The following NUMB variants were observed in gnomAD, a reference collection of about 807,000 sequenced individuals.
NUMB encodes the protein protein numb homolog.
A neutral mutation model predicts 59.7 loss-of-function variants in NUMB; 29 were observed. The ratio of observed to expected loss-of-function variants is 0.49; its 90% CI spans 0.36 to 0.66. The LOEUF is 0.66. Ranked by LOEUF, NUMB falls within the 30% of genes least tolerant of loss-of-function variation. The pLI, the probability that NUMB is intolerant of heterozygous loss-of-function variation, is 0.00. For synonymous variants in NUMB, 288 were observed against 288.2 expected (o/e 1.00, Z 0.01); for missense variants, 723 against 822.0 (o/e 0.88, Z 1.47).
intron 11 of NUMB, among the ~76,000 whole-genome samples, chr14:73,281,008 C>T (rs1391015713): frequency 6.6e-6 from 1 of 151,932 alleles, no homozygotes; most frequent in African/African-American, 2.4e-5. Flanking sequence ...TACTGTTTAC[C>T]TAGAGTTTGT....
chr14:73,278,065 A>AC (rs1888320174), intron 12 of NUMB, among the ~76,000 whole-genome samples: 1 of 151,318 alleles, frequency 6.6e-6, no homozygotes, highest in Admixed American at 6.6e-5. Flanking sequence ...AAAAAAAAAA[A>AC]AAACACCTAG....
At chr14:73,354,106 G>A (rs2078710590) in intron 4 of NUMB, among the ~76,000 whole-genome samples, 1 of 152,058 alleles carries the variant, frequency 6.6e-6, no homozygotes, top group South Asian at 2.1e-4. Flanking sequence ...CACTTTTCCT[G>A]TCATATGGAA....
At chr14:73,385,420 G>T (rs1295003242) in intron 2 of NUMB, among the ~76,000 whole-genome samples, 2 of 148,844 alleles carry the variant, frequency 1.3e-5, no homozygotes, top group Non-Finnish European at 3.0e-5. Context: ...AGAATTATAG[G>T]TGTGAGCCAC....
rs10582204 is a variant in NUMB at position 73,313,668 on chromosome 14, G to GAAAAAAAAAAAAAAAAAAAAA, written c.234+2721_234+2722insTTTTTTTTTTTTTTTTTTTTT. ...TATATATGCAAATATTCCAAAATCTGAAAAAAAAAAAAAAAAATCCAAAAT... is the reference window on the plus strand; with the variant it reads ...TATATATGCAAATATTCCAAAATCTGAAAAAAAAAAAAAAAAAAAAAAAAAAAAAAAAAAAAAATCCAAAAT... On this transcript the variant is annotated intron_variant, in intron 6 of 12. Coordinates refer to ENST00000555238, the MANE Select transcript of NUMB (RefSeq NM_001005743.2). 4.0e-5 allele frequency among the ~76,000 whole-genome samples: 5 copies of GAAAAAAAAAAAAAAAAAAAAA among 124,104 alleles called. 1 individual carries two copies. Among genetic ancestry groups the GAAAAAAAAAAAAAAAAAAAAA allele is most frequent in the African/African-American group, 1.6e-4 (5 of 30,962 alleles). The allele number at this position is 124,104 out of a possible 152,430, so 81.4% of individuals were successfully genotyped here.
At position 73,423,801 on chromosome 14, in the gene NUMB, T is replaced by C. The variant is rs563913208; in HGVS notation, c.-232-13733A>G. Among the ~76,000 whole-genome samples, 388 of 150,042 alleles carry C rather than the reference T, an allele frequency of 2.6e-3. 1 individual carries two copies. The highest frequency in any genetic ancestry group is 3.9e-3 in the Non-Finnish European group (266 of 67,514). ...CTCCAGCCTGGGCGTCAGAGCAAGA[T>C]TCTGTCTCAAAAAAATTAGCCAGGC... On this transcript the variant is annotated intron_variant, in intron 1 of 12. Coordinates refer to ENST00000555238, the MANE Select transcript of NUMB (RefSeq NM_001005743.2).
chr14:73,278,066 A>AAC (rs1331082782), intron 12 of NUMB, among the ~76,000 whole-genome samples: 5 of 151,494 alleles, frequency 3.3e-5, no homozygotes, highest in African/African-American at 1.2e-4. Flanking sequence ...AAAAAAAAAA[A>AAC]AACACCTAGC....
At chr14:73,362,470 T>A (rs1039088676) in intron 3 of NUMB, among the ~76,000 whole-genome samples, 1 of 152,030 alleles carries the variant, frequency 6.6e-6, no homozygotes, top group African/African-American at 2.4e-5. Flanking sequence ...TGAGATAGCA[T>A]CTCACTCTTG....
chr14:73,382,338 G>A lies in NUMB; in HGVS notation c.-100-15357C>T, dbSNP rs910238011. The stretch of plus-strand genomic sequence containing the variant: ...ATTTTTGTATTTTTAGTAGAGACAG[G>A]GTTTTACCATGTTGGCCAGGCTGGT... On this transcript the variant is annotated intron_variant, in intron 2 of 12. Coordinates refer to ENST00000555238, the MANE Select transcript of NUMB (RefSeq NM_001005743.2). Among the ~76,000 whole-genome samples the A allele has an allele frequency of 3.3e-5, 5 of 151,972 alleles. No individual in the cohort carries two copies. The East Asian group carries it at 9.7e-4, about 29-fold the overall frequency.
intron 2 of NUMB, among the ~76,000 whole-genome samples, chr14:73,398,205 C>T (rs989911868): frequency 6.6e-6 from 1 of 152,008 alleles, no homozygotes; most frequent in Non-Finnish European, 1.5e-5. Context: ...TTAAATATCC[C>T]ACAATAGAAG....
chr14:73,280,512 T>C (rs1888550336), intron 11 of NUMB, among the ~76,000 whole-genome samples: 1 of 151,920 alleles, frequency 6.6e-6, no homozygotes. Flanking sequence ...TCATCTCCCC[T>C]TGTTAAAATC....
chr14:73,368,371 G>T (rs897824018), intron 2 of NUMB, among the ~76,000 whole-genome samples: 11 of 152,018 alleles, frequency 7.2e-5, no homozygotes, highest in African/African-American at 2.7e-4. Flanking sequence ...GAGGTCAGGA[G>T]TTTTGAGACC....
At chr14:73,426,834 G>A (rs1483797556) in intron 1 of NUMB, among the ~76,000 whole-genome samples, 3 of 151,778 alleles carry the variant, frequency 2.0e-5, no homozygotes, top group Admixed American at 6.6e-5. Flanking sequence ...GGGACAGAGC[G>A]AGACTCCATC....
chr14:73,372,237 A>G (rs548141700), intron 2 of NUMB, among the ~76,000 whole-genome samples: 2 of 149,574 alleles, frequency 1.3e-5, no homozygotes, highest in Admixed American at 6.7e-5. Context: ...CATCTCAAAA[A>G]AAAAGAGGTG....
chr14:73,310,959 G>T (rs1410186067), intron 6 of NUMB, among the ~76,000 whole-genome samples: 2 of 152,118 alleles, frequency 1.3e-5, no homozygotes, highest in Non-Finnish European at 2.9e-5. Flanking sequence ...TAAAGTATTT[G>T]CCTAGTATAG....
At chr14:73,454,833 G>A (rs1308569597) in intron 1 of NUMB, among the ~76,000 whole-genome samples, 2 of 152,084 alleles carry the variant, frequency 1.3e-5, no homozygotes, top group Non-Finnish European at 2.9e-5. Context: ...TCTCAATTAT[G>A]AAGAATGAAC....
At chr14:73,439,768 GGAGA>G (rs750731427) in intron 1 of NUMB, among the ~76,000 whole-genome samples, 5 of 152,150 alleles carry the variant, frequency 3.3e-5, no homozygotes, top group African/African-American at 9.7e-5. Flanking sequence ...AGAGGAGAAA[GGAGA>G]GAGAAAGAGA....
chr14:73,299,595 TA>T (rs1890002618), intron 6 of NUMB, among the ~76,000 whole-genome samples: 1 of 150,678 alleles, frequency 6.6e-6, no homozygotes, highest in Non-Finnish European at 1.5e-5. Context: ...TCATGTCATA[TA>T]TATGATATGA....
chr14:73,287,445 C>G, intron 8 of NUMB, 131 bp from the exon 9 acceptor site: 1 of 745,738 alleles, frequency 1.3e-6, no homozygotes, highest in Non-Finnish European at 2.1e-6. Flanking sequence ...GTGGCGCAGT[C>G]TCTGCTCACT....
intron 1 of NUMB, among the ~76,000 whole-genome samples, chr14:73,433,337 G>A (rs746425088): frequency 3.3e-5 from 5 of 152,192 alleles, no homozygotes; most frequent in East Asian, 1.9e-4. Flanking sequence ...CAGGAGAATC[G>A]CTTGAACCCG....
Sources: allele counts gnomAD v4.1 joint callset (sites outside exome capture counted in the v4.1 genomes callset), GRCh38; gene constraint gnomAD v4.1.1; transcripts MANE v1.5; gene names NCBI Gene and HGNC (gene_info 2026-07-23, HGNC 2026-07-21).